The following ZBTB16 variants were observed in gnomAD, a reference collection of about 807,000 sequenced individuals.
ZBTB16 encodes the protein zinc finger and BTB domain-containing protein 16.
A neutral mutation model predicts 56.8 loss-of-function variants in ZBTB16; 8 were observed. The observed-to-expected ratio is 0.14, with a 90% CI of 0.08 to 0.25. The LOEUF is 0.25. Among genes scored for constraint, ZBTB16 ranks in the 10% least tolerant of loss-of-function variants. The pLI, the probability that ZBTB16 is intolerant of heterozygous loss-of-function variation, is 1.00. For synonymous variants in ZBTB16, 363 were observed against 368.5 expected (o/e 0.98, Z 0.17); for missense variants, 625 against 903.0 (o/e 0.69, Z 3.95).
intron 4 of ZBTB16, among the ~76,000 whole-genome samples, chr11:114,204,163 T>C (rs1943799040): frequency 6.6e-6 from 1 of 152,072 alleles, no homozygotes; most frequent in Non-Finnish European, 1.5e-5. Context: ...TCTTTTTTTT[T>C]TTTTTTCTGA....
intron 4 of ZBTB16, among the ~76,000 whole-genome samples, chr11:114,193,213 C>T (rs1943538920): frequency 6.6e-6 from 1 of 152,114 alleles, no homozygotes; most frequent in South Asian, 2.1e-4. Context: ...ATGTGGCTTG[C>T]TCAATAGGCC....
At chr11:114,233,608 C>T (rs539131013) in intron 4 of ZBTB16, among the ~76,000 whole-genome samples, 1 of 151,624 alleles carries the variant, frequency 6.6e-6, no homozygotes, top group East Asian at 1.9e-4. Flanking sequence ...TTCTCTCCTC[C>T]TTTTTTTTTA....
At chr11:114,097,312 A>C (rs1459925326) in intron 2 of ZBTB16, among the ~76,000 whole-genome samples, 1 of 152,128 alleles carries the variant, frequency 6.6e-6, no homozygotes, top group Non-Finnish European at 1.5e-5. Context: ...AGAGAGGGGA[A>C]TGGGGAGTTA....
At chr11:114,235,665 T>TCTTTCTTC (rs1565701591) in intron 4 of ZBTB16, among the ~76,000 whole-genome samples, 4 of 24,124 alleles carry the variant, frequency 1.7e-4, no homozygotes, top group Admixed American at 4.2e-4. Context: ...TTTCTTTCTT[T>TCTTTCTTC]CTTTCTTTCT....
intron 2 of ZBTB16, among the ~76,000 whole-genome samples, chr11:114,085,490 G>A (rs1308277903): frequency 7.0e-6 from 1 of 142,714 alleles, no homozygotes; most frequent in Non-Finnish European, 1.6e-5. Context: ...ACAGCCATAT[G>A]TGTATGACTT....
intron 2 of ZBTB16, among the ~76,000 whole-genome samples, chr11:114,079,839 AT>A (rs1939697110): frequency 6.6e-6 from 1 of 152,090 alleles, no homozygotes; most frequent in Admixed American, 6.5e-5. Context: ...GGGGCTTTTG[AT>A]TTCCAGCTAC....
At chr11:114,240,215 C>T (rs1444176318) in intron 4 of ZBTB16, among the ~76,000 whole-genome samples, 2 of 152,108 alleles carry the variant, frequency 1.3e-5, no homozygotes, top group Non-Finnish European at 1.5e-5. Flanking sequence ...GTGTGAGGGG[C>T]ACAGAAGTGT....
intron 2 of ZBTB16, among the ~76,000 whole-genome samples, chr11:114,079,351 A>G (rs1939682415): frequency 6.6e-6 from 1 of 152,220 alleles, no homozygotes; most frequent in Non-Finnish European, 1.5e-5. Flanking sequence ...GGGAGAAACT[A>G]TGAAAGGAAC....
At chr11:114,142,456 A>G (rs1054427174) in intron 2 of ZBTB16, among the ~76,000 whole-genome samples, 5 of 152,208 alleles carry the variant, frequency 3.3e-5, no homozygotes. Flanking sequence ...CTTCATTTCA[A>G]ACAGAACGGT....
chr11:114,180,812 G>A (rs1943230329), intron 3 of ZBTB16: 1 of 152,252 alleles, frequency 6.6e-6, no homozygotes, highest in East Asian at 1.9e-4. Context: ...CAGGGATATG[G>A]TAAAGCCCAA....
intron 2 of ZBTB16, among the ~76,000 whole-genome samples, chr11:114,081,740 C>T (rs1052500174): frequency 2.0e-5 from 3 of 152,022 alleles, no homozygotes; most frequent in Non-Finnish European, 4.4e-5. Flanking sequence ...GTTTTGAAGA[C>T]GGGGACAGAA....
chr11:114,237,869 T>C (rs1268186640), intron 4 of ZBTB16, among the ~76,000 whole-genome samples: 1 of 152,224 alleles, frequency 6.6e-6, no homozygotes, highest in East Asian at 1.9e-4. Context: ...TGTTAGTTTC[T>C]AAGCAGAAAA....
At chr11:114,196,218 C>G (rs976246761) in intron 4 of ZBTB16, among the ~76,000 whole-genome samples, 1 of 152,168 alleles carries the variant, frequency 6.6e-6, no homozygotes, top group Non-Finnish European at 1.5e-5. Context: ...CAGGCCTGTG[C>G]CCTTCCACGT....
At chr11:114,137,279 G>GTCACAGCCTTAA (rs1941824942) in intron 2 of ZBTB16, among the ~76,000 whole-genome samples, 1 of 152,128 alleles carries the variant, frequency 6.6e-6, no homozygotes, top group African/African-American at 2.4e-5. Flanking sequence ...CGTGATTAAG[G>GTCACAGCCTTAA]TCACAGCCAA....
intron 2 of ZBTB16, among the ~76,000 whole-genome samples, chr11:114,121,556 CTT>C (rs1378293463): frequency 6.6e-6 from 1 of 152,190 alleles, no homozygotes; most frequent in African/African-American, 2.4e-5. Context: ...TGGTTGAATG[CTT>C]ACATCCATTA....
Position 114,250,858 on chromosome 11 carries a change from A to G in ZBTB16, c.*303A>G, listed in dbSNP as rs548801407. Among the ~76,000 whole-genome samples, 1 of 152,164 alleles carries G rather than the reference A, an allele frequency of 6.6e-6. No individual in the cohort carries two copies. Among genetic ancestry groups the G allele is most frequent in the South Asian group, 2.1e-4 (1 of 4,810 alleles). On this transcript the variant is annotated 3_prime_UTR_variant, in exon 7 of 7. Coordinates refer to ENST00000335953, the MANE Select transcript of ZBTB16 (RefSeq NM_006006.6). This position sits in a 1 kb window ranked among gnomAD's most constrained non-coding sequence, Gnocchi z 6.0. ...GCACATTTTTCTCCTTCCTTCACCC[A>G]GACCTTCTTTTATGTGTCCAGAAAT... is the stretch of plus-strand genomic sequence containing the variant.
At position 114,254,378 on chromosome 11, in the gene ZBTB16, C is replaced by T. The variant is rs147502721; in HGVS notation, c.*3823C>T. Among the ~76,000 whole-genome samples the T allele has an allele frequency of 3.4e-4, 52 of 151,820 alleles. No individual in the cohort carries two copies. Among genetic ancestry groups the T allele is most frequent in the Admixed American group, 6.6e-4 (10 of 15,260 alleles). On this transcript the variant is annotated 3_prime_UTR_variant, in exon 7 of 7. Coordinates refer to ENST00000335953, the MANE Select transcript of ZBTB16 (RefSeq NM_006006.6). ...GGCTTGTTTAATCTTTGTGCCTGAA[C>T]AGTTTTTCCATGTTGAGAAAAAAAA...
intron 2 of ZBTB16, among the ~76,000 whole-genome samples, chr11:114,139,027 C>G (rs1941875729): frequency 6.6e-6 from 1 of 152,160 alleles, no homozygotes; most frequent in Non-Finnish European, 1.5e-5. Context: ...TACTCATTTC[C>G]TGCGTCTCAC....
At chr11:114,219,156 A>G (rs1029600235) in intron 4 of ZBTB16, among the ~76,000 whole-genome samples, 2 of 152,200 alleles carry the variant, frequency 1.3e-5, no homozygotes, top group Non-Finnish European at 2.9e-5. Context: ...TGGGGGAGAC[A>G]ACAGTAGGGA....
Sources: allele counts gnomAD v4.1 joint callset (sites outside exome capture counted in the v4.1 genomes callset), GRCh38; gene constraint gnomAD v4.1.1; non-coding constraint Gnocchi (gnomAD v3.1); transcripts MANE v1.5; gene names NCBI Gene and HGNC (gene_info 2026-07-23, HGNC 2026-07-21).